The following UTS2 variants were observed in gnomAD, a reference collection of about 807,000 sequenced individuals.
The protein encoded by UTS2 is urotensin 2.
UTS2 carries 10 observed loss-of-function variants against 12.6 expected under a neutral mutation model. The observed-to-expected ratio is 0.80, with a 90% confidence interval of 0.49 to 1.35. The LOEUF (loss-of-function observed/expected upper bound fraction) is 1.35. Among genes scored for constraint, UTS2 ranks in the 40% most tolerant of loss-of-function variants. The pLI, the probability that UTS2 is intolerant of heterozygous loss-of-function variation, is 0.00. For missense variants in UTS2, 142 were observed against 143.2 expected (o/e 0.99, Z 0.04); for synonymous variants, 52 against 50.0 (o/e 1.04, Z -0.17).
At chr1:7,881,403 C>CA in the UTS2 span, among the ~76,000 whole-genome samples, 944 of 152,058 alleles carry the variant, frequency 6.2e-3, 10 homozygotes, top group African/African-American at 0.021. Context: ...AAGACTTCAC[C>CA]AAAAAATCTC....
the UTS2 span, among the ~76,000 whole-genome samples, chr1:7,891,540 GAAA>G: frequency 1.2e-5 from 1 of 86,386 alleles, no homozygotes; most frequent in Non-Finnish European, 2.5e-5. Flanking sequence ...AGAAAGAAAA[GAAA>G]GAAAGAAAGA....
At chr1:7,897,026 T>C in the UTS2 span, among the ~76,000 whole-genome samples, 1 of 152,184 alleles carries the variant, frequency 6.6e-6, no homozygotes, top group African/African-American at 2.4e-5. Flanking sequence ...AAATTATGTA[T>C]AAAATTATAT....
the UTS2 span, among the ~76,000 whole-genome samples, chr1:7,899,696 T>C: frequency 1.3e-5 from 2 of 152,262 alleles, no homozygotes; most frequent in East Asian, 1.9e-4. Context: ...TAAACACTGT[T>C]AGATTTTGTT....
At chr1:7,906,406 G>A in the UTS2 span, among the ~76,000 whole-genome samples, 1 of 131,818 alleles carries the variant, frequency 7.6e-6, no homozygotes, top group African/African-American at 2.9e-5. Context: ...CAGCAAGAAA[G>A]AAAGAAAGAA....
At chr1:7,874,360 A>G in the UTS2 span, among the ~76,000 whole-genome samples, 30 of 152,172 alleles carry the variant, frequency 2.0e-4, no homozygotes, top group Non-Finnish European at 4.1e-4. Flanking sequence ...GCTGCAGCAC[A>G]GCACCATTTT....
chr1:7,880,407 G>A, the UTS2 span, among the ~76,000 whole-genome samples: 226 of 150,492 alleles, frequency 1.5e-3, 2 homozygotes, highest in African/African-American at 5.3e-3. Context: ...TAGACTAACC[G>A]GGGAGTGGGG....
In UTS2 at chr1:7,853,050, A is replaced by G. The variant is rs536219081; in HGVS notation, c.-47T>C. 6.3e-7 allele frequency: 1 copy of G among 1,588,274 alleles called. No homozygotes were observed. Among genetic ancestry groups the G allele is most frequent in the Non-Finnish European group, 8.5e-7 (1 of 1,171,248 alleles). On this transcript the variant is annotated 5_prime_UTR_variant, in exon 1 of 4. Coordinates refer to ENST00000361696, the MANE Select transcript of UTS2 (RefSeq NM_006786.4). ...TTCCTTCTTGGCTTCTGTTGTAGAGAACTTTCAACTGTCTCCTCATTCTGC... is the reference window on the plus strand; with the variant it reads ...TTCCTTCTTGGCTTCTGTTGTAGAGGACTTTCAACTGTCTCCTCATTCTGC...
upstream of UTS2, chr1:7,853,358 A>G (rs754582674): frequency 6.2e-7 from 1 of 1,614,188 alleles, no homozygotes; most frequent in South Asian, 1.1e-5. Flanking sequence ...GAAGTGGCCA[A>G]AGCAAAGAGA....
chr1:7,884,984 CCATCCATCCACTCATCCATCCATCCACT>C, the UTS2 span, among the ~76,000 whole-genome samples: 4 of 149,732 alleles, frequency 2.7e-5, no homozygotes, highest in Non-Finnish European at 5.9e-5. Flanking sequence ...ACGCATTCAT[CCATCCATCCACTCATCCATCCATCCACT>C]CATCCATCCA....
chr1:7,869,535 G>A, the UTS2 span, among the ~76,000 whole-genome samples: 4 of 152,208 alleles, frequency 2.6e-5, no homozygotes, highest in African/African-American at 7.2e-5. Flanking sequence ...TGCCTTTCTA[G>A]GGGACCTTGT....
chr1:7,890,976 C>CCCCG, the UTS2 span, among the ~76,000 whole-genome samples: 1 of 148,740 alleles, frequency 6.7e-6, no homozygotes, highest in Non-Finnish European at 1.5e-5. Context: ...CACCCCCCCC[C>CCCCG]ACAAAACTGG....
chr1:7,884,882 CCCAT>C, the UTS2 span, among the ~76,000 whole-genome samples: 82 of 151,378 alleles, frequency 5.4e-4, no homozygotes, highest in African/African-American at 1.7e-3. Flanking sequence ...CATCCATCCA[CCCAT>C]CCATCCATCT....
the UTS2 span, among the ~76,000 whole-genome samples, chr1:7,867,989 A>G: frequency 6.6e-6 from 1 of 152,234 alleles, no homozygotes; most frequent in African/African-American, 2.4e-5. Flanking sequence ...AGCTGGTCGC[A>G]GTGAAGATGT....
chr1:7,912,118 G>A, the UTS2 span, among the ~76,000 whole-genome samples: 1 of 152,126 alleles, frequency 6.6e-6, no homozygotes, highest in African/African-American at 2.4e-5. Flanking sequence ...TTTTATTTCT[G>A]TGAAGAAATA....
chr1:7,906,354 G>A, the UTS2 span, among the ~76,000 whole-genome samples: 1 of 151,060 alleles, frequency 6.6e-6, no homozygotes, highest in African/African-American at 2.4e-5. Context: ...CTCTGCCACA[G>A]GAACTGGTGA....
chr1:7,880,925 C>T, the UTS2 span, among the ~76,000 whole-genome samples: 2 of 152,168 alleles, frequency 1.3e-5, no homozygotes, highest in East Asian at 1.9e-4. Flanking sequence ...CTCAATCCAA[C>T]AGCACATCAA....
At chr1:7,858,866 A>G in the UTS2 span, among the ~76,000 whole-genome samples, 1 of 152,152 alleles carries the variant, frequency 6.6e-6, no homozygotes, top group African/African-American at 2.4e-5. Flanking sequence ...TTACAGTGTG[A>G]GCCACCACGC....
chr1:7,869,693 CGGG>C, the UTS2 span, among the ~76,000 whole-genome samples: 1 of 152,190 alleles, frequency 6.6e-6, no homozygotes, highest in Non-Finnish European at 1.5e-5. Context: ...TTTAGTCCAG[CGGG>C]GGATGCGTCA....
chr1:7,883,601 G>A, the UTS2 span, among the ~76,000 whole-genome samples: 1 of 152,066 alleles, frequency 6.6e-6, no homozygotes, highest in African/African-American at 2.4e-5. Flanking sequence ...TAAATGCCCT[G>A]ATTTGATCAT....
Sources: gnomAD v4.1 joint callset for allele counts (sites outside exome capture counted in the v4.1 genomes callset) on GRCh38, gnomAD v4.1.1 for gene constraint, MANE v1.5 for transcripts, NCBI Gene and HGNC (gene_info 2026-07-23, HGNC 2026-07-21) for gene names.